Variants in FAM83G observed in about 807,000 individuals in gnomAD.
FAM83G encodes scaffolding CK1 anchoring protein G, also known as protein FAM83G.
Under a neutral mutation model 61.5 loss-of-function variants are expected in FAM83G, and 38 were observed. The observed-to-expected ratio is 0.62, with a 90% CI of 0.48 to 0.81. The LOEUF is 0.81. FAM83G is among the 30% of genes least tolerant of loss of function. The pLI is 0.00. For synonymous variants in FAM83G, 470 were observed against 476.1 expected, an observed-to-expected ratio of 0.99 and a Z score of 0.17; for missense variants, 989 against 1,133.6, an observed-to-expected ratio of 0.87 and a Z score of 1.83.
At chr17:18,992,428 G>A (rs1485118039) in intron 2 of FAM83G, among the ~76,000 whole-genome samples, 1 of 152,222 alleles carries the variant, frequency 6.6e-6, no homozygotes, top group Non-Finnish European at 1.5e-5. Context: ...TGGGATGCAG[G>A]GGTGACAGCA....
chr17:18,980,076 G>C (rs566809976), intron 3 of FAM83G, among the ~76,000 whole-genome samples: 20 of 152,266 alleles, frequency 1.3e-4, no homozygotes, highest in Middle Eastern at 3.4e-3. Flanking sequence ...GAAGTGTCTC[G>C]TGGATGGCTA....
At position 18,977,423 on chromosome 17, in the gene FAM83G, G is replaced by A. The variant is rs142799956; in HGVS notation, c.2082+161C>T. On this transcript the variant is annotated intron_variant, in intron 5 of 5. Transcript: ENST00000388995. Reference sequence around the variant, plus strand: ...GATGGCCTTCCATATGGCCCTGGCCGGTTCCCACCCCTGCCTGTTCATCAA... The same window carrying A: ...GATGGCCTTCCATATGGCCCTGGCCAGTTCCCACCCCTGCCTGTTCATCAA... 5.3e-4 allele frequency: 389 copies of A among 727,856 alleles called. 1 individual carries two copies. In the African/African-American group the frequency reaches 6.2e-3, roughly 12 times the overall value. 45.1% of individuals were successfully genotyped at this position (727,856 alleles called of 1,614,324 possible).
intron 2 of FAM83G, among the ~76,000 whole-genome samples, chr17:18,990,900 A>G (rs2043405119): frequency 6.6e-6 from 1 of 152,158 alleles, no homozygotes. Flanking sequence ...TTTTATAGAC[A>G]GGAAAGCTGG....
intron 5 of FAM83G, among the ~76,000 whole-genome samples, chr17:18,975,271 G>T (rs577712240): frequency 1.1e-4 from 16 of 152,324 alleles, no homozygotes; most frequent in South Asian, 6.2e-4. Context: ...AGCTTGCCCT[G>T]CGTTCGGAGG....
Position 18,971,666 on chromosome 17 carries a change from G to GA in FAM83G, c.2164dup (p.Ser722PhefsTer4), listed in dbSNP as rs2042858664. 6.2e-7 allele frequency: 1 copy of GA among 1,612,968 alleles called. No homozygotes were observed. Among genetic ancestry groups the GA allele is most frequent in the Non-Finnish European group, 8.5e-7 (1 of 1,179,688 alleles). On this transcript the variant is annotated frameshift_variant, in exon 6 of 6. Coordinates refer to ENST00000388995, the MANE Select transcript of FAM83G (RefSeq NM_001039999.3). LOFTEE classifies it high-confidence loss of function. This position sits in a 1 kb window ranked among gnomAD's most constrained non-coding sequence, Gnocchi z 5.5. ...AGAGCTCTGGACGCTGTCAGCAGCA[G>GA]AGCGGTACCTAGGGGGTCCTGGGAA...
chr17:19,000,740 T>A lies in FAM83G; in HGVS notation c.522+2780A>T, dbSNP rs1295630339. On this transcript the variant is annotated intron_variant, in intron 2 of 5. Transcript: ENST00000388995. This position sits in a 1 kb window ranked among gnomAD's most constrained non-coding sequence, Gnocchi z 5.2. ...CATCCTAGGCAGGGGGCAGGCAGAG[T>A]TCTCCCTACACAATACCAGAGTGAG... Among the ~76,000 whole-genome samples, 5 of 151,790 alleles carry A rather than the reference T, an allele frequency of 3.3e-5. No individual in the cohort carries two copies. Among genetic ancestry groups the A allele is most frequent in the Non-Finnish European group, 5.9e-5 (4 of 67,894 alleles).
intron 3 of FAM83G, among the ~76,000 whole-genome samples, chr17:18,983,390 G>A (rs536951947): frequency 6.6e-6 from 1 of 152,392 alleles, no homozygotes; most frequent in South Asian, 2.1e-4. Flanking sequence ...AGGACAGCCT[G>A]TGCTGGCAGG....
chr17:18,972,386 C>T (rs541160879), intron 5 of FAM83G, among the ~76,000 whole-genome samples: 1 of 152,336 alleles, frequency 6.6e-6, no homozygotes, highest in South Asian at 2.1e-4. Flanking sequence ...TCCCACGTGG[C>T]CTACCCTGGG....
Position 18,968,884 on chromosome 17 carries a change from C to T in FAM83G, c.*2475G>A, listed in dbSNP as rs888916401. On this transcript the variant is annotated 3_prime_UTR_variant, in exon 6 of 6. Transcript: ENST00000388995. The surrounding 1 kb of genome is among the most constrained non-coding windows in gnomAD (Gnocchi z 4.1). The stretch of plus-strand genomic sequence containing the variant: ...TGTAGCTCCACGGCCAGGTCTTCCC[C>T]CAACCTCACAATGGCCCCGTGATGC... The T allele has an allele frequency of 8.1e-6, 5 of 617,926 alleles. No individual in the cohort carries two copies. The highest frequency in any genetic ancestry group is 1.9e-5 in the African/African-American group (1 of 54,012). The allele number at this position is 617,926 out of a possible 1,614,324, so 38.3% of individuals were successfully genotyped here.
At chr17:19,002,118 CCCT>C (rs57993472) in intron 2 of FAM83G, among the ~76,000 whole-genome samples, 1 of 152,024 alleles carries the variant, frequency 6.6e-6, no homozygotes, top group Non-Finnish European at 1.5e-5. Flanking sequence ...TTCCTCCTCC[CCCT>C]CCTCCTCCTC....
chr17:18,999,246 C>T (rs1401768357), intron 2 of FAM83G, among the ~76,000 whole-genome samples: 1 of 151,956 alleles, frequency 6.6e-6, no homozygotes, highest in African/African-American at 2.4e-5. Flanking sequence ...CCACTGCACT[C>T]CAGCCTGGGC....
At position 18,977,950 on chromosome 17, in the gene FAM83G, G is replaced by T; in HGVS notation, c.1716C>A (p.Leu572=). 6.2e-7 allele frequency: 1 copy of T among 1,604,746 alleles called. No homozygotes were observed. Among genetic ancestry groups the T allele is most frequent in the Non-Finnish European group, 8.5e-7 (1 of 1,175,288 alleles). ...CTTCCACCCCATCCAGCCCATTGGG[G>T]AGCCCCACCCCGAGGCTCTCGGGGT... is the stretch of plus-strand genomic sequence containing the variant. ...QDDPESLGVG[L]PNGLDGVEEE... Residue 572 remains leucine, a synonymous_variant, in exon 5 of 6, where the codon CTC becomes CTA. Coordinates refer to ENST00000388995, the MANE Select transcript of FAM83G (RefSeq NM_001039999.3).
Position 18,971,733 on chromosome 17 carries a change from GATGA to G in FAM83G, c.2094_2097del (p.His699IlefsTer71). On this transcript the variant is annotated frameshift_variant, in exon 6 of 6. Transcript: ENST00000388995. LOFTEE classifies it high-confidence loss of function. The surrounding 1 kb of genome is among the most constrained non-coding windows in gnomAD (Gnocchi z 5.5). ...GTCCCTGAGGCAGGGACCCTGTGAT[GATGA>G]AACTGCTGGCCCTGGGAGAGAGAGA... is the stretch of plus-strand genomic sequence containing the variant. 2 of 1,571,400 alleles carry G rather than the reference GATGA, an allele frequency of 1.3e-6. No individual in the cohort carries two copies. The highest frequency in any genetic ancestry group is 8.6e-7 in the Non-Finnish European group (1 of 1,156,850).
At chr17:18,993,965 C>T (rs949049681) in intron 2 of FAM83G, among the ~76,000 whole-genome samples, 1 of 152,232 alleles carries the variant, frequency 6.6e-6, no homozygotes, top group Non-Finnish European at 1.5e-5. Context: ...TCCTCGTCCT[C>T]CCACCAACCC....
Position 18,971,502 on chromosome 17 carries a change from C to T in FAM83G, c.2329G>A (p.Glu777Lys), listed in dbSNP as rs776704845. The change falls in exon 6 of 6, where the codon GAG becomes AAG. Residue 777 changes from glutamate to lysine, a missense_variant. Glu to Lys is a moderately conservative substitution (Grantham distance 56). Around this residue, in one of 3 missense-constraint regions of FAM83G, gnomAD observed 574 missense variants for 645.1 expected, o/e 0.89. Transcript: ENST00000388995. The surrounding 1 kb of genome is among the most constrained non-coding windows in gnomAD (Gnocchi z 5.5). Reference protein sequence around the residue: ...ARPMTDGRATEEHPSPFGIPY... With the variant: ...ARPMTDGRATKEHPSPFGIPY... ...ATTCCGAAGGGACTCGGATGCTCCTCGGTGGCCCTGCCATCGGTCATGGGG... is the reference window on the plus strand; with the variant it reads ...ATTCCGAAGGGACTCGGATGCTCCTTGGTGGCCCTGCCATCGGTCATGGGG... 1.7e-5 allele frequency: 28 copies of T among 1,613,888 alleles called. No individual in the cohort carries two copies. The African/African-American group carries it at 1.7e-4, about 10-fold the overall frequency.
chr17:18,984,753 C>T (rs1388594559), intron 3 of FAM83G, among the ~76,000 whole-genome samples: 1 of 152,254 alleles, frequency 6.6e-6, no homozygotes. Context: ...GTATCACCCC[C>T]AAAAGCAGCC....
At position 19,003,375 on chromosome 17, in the gene FAM83G, T is replaced by C. The variant is rs1272880082; in HGVS notation, c.522+145A>G. On this transcript the variant is annotated intron_variant, in intron 2 of 5. Transcript: ENST00000388995. This position sits in a 1 kb window ranked among gnomAD's most constrained non-coding sequence, Gnocchi z 4.5. ...TCCCCACGAAGGTGGGGAGGAAACC[T>C]CCACCCAAGAGGCAGCCAGGGAAAA... is the stretch of plus-strand genomic sequence containing the variant. 1.1e-5 allele frequency: 10 copies of C among 893,164 alleles called. No homozygotes were observed. The East Asian group carries it at 3.2e-4, about 29-fold the overall frequency. 55.3% of individuals were successfully genotyped at this position (893,164 alleles called of 1,614,324 possible).
chr17:18,981,108 G>T (rs2043120522), intron 3 of FAM83G, among the ~76,000 whole-genome samples: 1 of 152,218 alleles, frequency 6.6e-6, no homozygotes, highest in Non-Finnish European at 1.5e-5. Context: ...CTGTGATGAG[G>T]ATCCCACCTG....
chr17:18,971,385 C>T lies in FAM83G; in HGVS notation c.2446G>A (p.Ala816Thr). ...ASSDSKRRAQ[A>T]PRDRKDP ...TAGGGGTCTTTGCGGTCCCGGGGGG[C>T]TTGAGCCCTCCGTTTAGAATCCGAT... is the stretch of plus-strand genomic sequence containing the variant. Residue 816 changes from alanine to threonine, a missense_variant, in exon 6 of 6, where the codon GCC becomes ACC. By Grantham distance (58) the Ala-to-Thr change is moderately conservative. Coordinates refer to ENST00000388995, the MANE Select transcript of FAM83G (RefSeq NM_001039999.3). The surrounding 1 kb of genome is among the most constrained non-coding windows in gnomAD (Gnocchi z 5.5). The T allele has an allele frequency of 6.2e-7, 1 of 1,613,322 alleles. No homozygotes were observed. Among genetic ancestry groups the T allele is most frequent in the Non-Finnish European group, 8.5e-7 (1 of 1,179,844 alleles).
Sources: gnomAD v4.1 joint callset for allele counts (sites outside exome capture counted in the v4.1 genomes callset) on GRCh38, gnomAD v4.1.1 for gene constraint, gnomAD v4.1.1 regional missense constraint, Gnocchi (gnomAD v3.1) non-coding constraint, MANE v1.5 for transcripts, NCBI Gene and HGNC (gene_info 2026-07-23, HGNC 2026-07-21) for gene names.